The following SNTG1 variants were observed in gnomAD, a reference collection of about 807,000 sequenced individuals.
SNTG1 encodes syntrophin gamma 1.
A neutral mutation model predicts 74.7 loss-of-function variants in SNTG1; 39 were observed. The ratio of observed to expected loss-of-function variants is 0.52; its 90% CI spans 0.40 to 0.68. The LOEUF (loss-of-function observed/expected upper bound fraction) is 0.68. Ranked by LOEUF, SNTG1 falls within the 30% of genes least tolerant of loss-of-function variation. The pLI is 0.00. For missense variants in SNTG1, 685 were observed against 609.5 expected (o/e 1.12, Z -1.30); for synonymous variants, 254 against 217.1 (o/e 1.17, Z -1.49).
intron 2 of SNTG1, among the ~76,000 whole-genome samples, chr8:50,197,408 C>A (rs2083815686): frequency 6.6e-6 from 1 of 152,082 alleles, no homozygotes; most frequent in South Asian, 2.1e-4. Flanking sequence ...TGTACTTTTG[C>A]TCAGCATTTT....
At chr8:49,981,902 A>G (rs1037258827) in intron 1 of SNTG1, among the ~76,000 whole-genome samples, 21 of 152,156 alleles carry the variant, frequency 1.4e-4, no homozygotes, top group African/African-American at 2.2e-4. Flanking sequence ...TAAAAGTTAA[A>G]TGATGTCTTT....
chr8:50,611,491 C>A (rs1048594842), intron 13 of SNTG1, among the ~76,000 whole-genome samples: 2 of 151,996 alleles, frequency 1.3e-5, no homozygotes, highest in African/African-American at 4.8e-5. Context: ...GGATTATAAT[C>A]GATTTGCTGG....
chr8:50,181,828 G>T (rs1476465113), intron 2 of SNTG1, among the ~76,000 whole-genome samples: 1 of 152,006 alleles, frequency 6.6e-6, no homozygotes, highest in Non-Finnish European at 1.5e-5. Context: ...GGGCTTTGCT[G>T]CATATTATTT....
At chr8:49,985,727 T>G (rs58143005) in intron 1 of SNTG1, among the ~76,000 whole-genome samples, 68 of 152,288 alleles carry the variant, frequency 4.5e-4, no homozygotes, top group African/African-American at 1.6e-3. Context: ...AGGGATGGTT[T>G]TCTTCAGTTA....
chr8:50,091,757 G>T (rs547013842), intron 1 of SNTG1, among the ~76,000 whole-genome samples: 1 of 152,000 alleles, frequency 6.6e-6, no homozygotes, highest in Non-Finnish European at 1.5e-5. Context: ...CCTGAAGAAT[G>T]GTCAATGAGA....
chr8:50,368,363 A>C (rs1488102107), intron 2 of SNTG1, among the ~76,000 whole-genome samples: 1 of 152,174 alleles, frequency 6.6e-6, no homozygotes, highest in Non-Finnish European at 1.5e-5. Context: ...AAGGCAATAC[A>C]ATAGGAAAAA....
intron 15 of SNTG1, among the ~76,000 whole-genome samples, chr8:50,666,854 CAATA>C (rs1363980450): frequency 2.0e-5 from 3 of 152,028 alleles, no homozygotes; most frequent in Middle Eastern, 3.4e-3. Context: ...ATTACATCTT[CAATA>C]AATAATGTGT....
In SNTG1 at chr8:50,794,519, C is replaced by T. The variant is rs1273004454; in HGVS notation, c.*1690C>T. On this transcript the variant is annotated 3_prime_UTR_variant, in exon 19 of 19. Transcript: ENST00000642720. ...TATTTTGACCGTAAAACTAAGTACA[C>T]ATTTGTAATTAGGATAGAACTTTAG... is the stretch of plus-strand genomic sequence containing the variant. 2.0e-5 allele frequency: 3 copies of T among 151,986 alleles called. No individual in the cohort carries two copies. The highest frequency in any genetic ancestry group is 4.8e-5 in the African/African-American group (2 of 41,418). 9.4% of individuals were successfully genotyped at this position (151,986 alleles called of 1,614,324 possible). A position where few individuals can be genotyped will look rare whatever the true frequency, so the allele number is the denominator to read the frequency against.
chr8:49,973,185 T>TAAA (rs901509142), intron 1 of SNTG1, among the ~76,000 whole-genome samples: 7 of 151,964 alleles, frequency 4.6e-5, no homozygotes, highest in African/African-American at 1.7e-4. Flanking sequence ...TATGCAGCCA[T>TAAA]AAAAAAGATG....
At chr8:50,458,378 C>T (rs990115864) in intron 8 of SNTG1, among the ~76,000 whole-genome samples, 1 of 151,988 alleles carries the variant, frequency 6.6e-6, no homozygotes, top group Non-Finnish European at 1.5e-5. Context: ...TGATATCTAT[C>T]TTCAAAAATT....
chr8:49,967,574 C>A (rs776004318), intron 1 of SNTG1, among the ~76,000 whole-genome samples: 1 of 122,816 alleles, frequency 8.1e-6, no homozygotes, highest in African/African-American at 3.2e-5. Context: ...TGTTTTAATT[C>A]GAATTGGTTA....
chr8:50,383,231 T>C (rs1364432198), intron 2 of SNTG1, among the ~76,000 whole-genome samples: 1 of 152,190 alleles, frequency 6.6e-6, no homozygotes, highest in Non-Finnish European at 1.5e-5. Context: ...GTCATCCTTC[T>C]AACGAATATG....
intron 1 of SNTG1, among the ~76,000 whole-genome samples, chr8:50,060,280 A>T (rs203955): frequency 1 from 152,210 of 152,214 alleles, 76,103 homozygotes; most frequent in Middle Eastern, 1. Flanking sequence ...ATAAAGCACC[A>T]TATCAGATTT....
intron 12 of SNTG1, among the ~76,000 whole-genome samples, chr8:50,583,176 G>C (rs1276515163): frequency 6.6e-6 from 1 of 151,950 alleles, no homozygotes; most frequent in South Asian, 2.1e-4. Flanking sequence ...GCCGAGGCGA[G>C]TGGATCACCT....
chr8:49,951,873 C>CAAAAAAAAAAAAAAAAA (rs5891338), intron 1 of SNTG1, among the ~76,000 whole-genome samples: 5 of 56,296 alleles, frequency 8.9e-5, no homozygotes, highest in Non-Finnish European at 1.3e-4. Context: ...GGAAAATTCA[C>CAAAAAAAAAAAAAAAAA]AAAAAAAAAA....
chr8:50,057,484 C>A (rs1254867698), intron 1 of SNTG1, among the ~76,000 whole-genome samples: 1 of 151,936 alleles, frequency 6.6e-6, no homozygotes, highest in Non-Finnish European at 1.5e-5. Flanking sequence ...AGTGTGTAGG[C>A]TGTAAAATGA....
intron 2 of SNTG1, among the ~76,000 whole-genome samples, chr8:50,331,301 G>A (rs1219293150): frequency 6.6e-6 from 1 of 152,160 alleles, no homozygotes; most frequent in Non-Finnish European, 1.5e-5. Flanking sequence ...GTAAAGTGAA[G>A]TGTGTCTAGG....
chr8:50,420,017 A>C (rs1460004922), intron 4 of SNTG1, among the ~76,000 whole-genome samples: 1 of 152,072 alleles, frequency 6.6e-6, no homozygotes, highest in Non-Finnish European at 1.5e-5. Flanking sequence ...AAAAAATAAG[A>C]AGTGTCTCAG....
chr8:50,474,200 G>A (rs188562184), intron 8 of SNTG1, among the ~76,000 whole-genome samples: 9 of 152,064 alleles, frequency 5.9e-5, no homozygotes, highest in African/African-American at 2.2e-4. Context: ...AAAAGCAATG[G>A]CAACACAACC....
Sources: gnomAD v4.1 joint callset for allele counts (sites outside exome capture counted in the v4.1 genomes callset) on GRCh38, gnomAD v4.1.1 for gene constraint, MANE v1.5 for transcripts, NCBI Gene and HGNC (gene_info 2026-07-23, HGNC 2026-07-21) for gene names.